SBF2: variants seen among roughly 807,000 people sequenced by gnomAD.
SBF2 encodes the protein myotubularin-related protein 13.
In SBF2, 112 loss-of-function variants were observed where a neutral mutation model predicts 225.2. The ratio of observed to expected loss-of-function variants is 0.50; its 90% CI spans 0.43 to 0.58. The LOEUF is 0.58. Among genes scored for constraint, SBF2 ranks in the 20% least tolerant of loss-of-function variants. The pLI, the probability that SBF2 is intolerant of heterozygous loss-of-function variation, is 0.00. For missense variants in SBF2, 1,996 were observed against 2,206.2 expected (o/e 0.90, Z 1.91); for synonymous variants, 763 against 773.3 (o/e 0.99, Z 0.22).
chr11:9,824,355 G>C (rs1416336791), intron 28 of SBF2, among the ~76,000 whole-genome samples: 2 of 152,044 alleles, frequency 1.3e-5, no homozygotes, highest in Non-Finnish European at 2.9e-5. Flanking sequence ...TCAGGAGATC[G>C]AGATCATCCT....
chr11:10,086,975 C>A (rs115136785), intron 2 of SBF2, among the ~76,000 whole-genome samples: 205 of 152,274 alleles, frequency 1.3e-3, no homozygotes, highest in African/African-American at 4.8e-3. Context: ...CTTAGTAACC[C>A]ATCTTTGATC....
At chr11:9,966,720 C>A (rs1012341329) in intron 14 of SBF2, among the ~76,000 whole-genome samples, 2 of 152,030 alleles carry the variant, frequency 1.3e-5, no homozygotes, top group Non-Finnish European at 2.9e-5. Flanking sequence ...AGGCAAATAG[C>A]CCAATTTCAA....
intron 28 of SBF2, among the ~76,000 whole-genome samples, chr11:9,822,917 GC>G (rs575534359): frequency 4.0e-4 from 61 of 152,268 alleles, no homozygotes; most frequent in African/African-American, 1.5e-3. Flanking sequence ...TATTTGCTAT[GC>G]AGCCTTGGCC....
In SBF2 at chr11:10,067,730, A is replaced by G. The variant is rs190753481; in HGVS notation, c.142-24749T>C. Among the ~76,000 whole-genome samples, 10 of 152,204 alleles carry G rather than the reference A, an allele frequency of 6.6e-5. 1 individual carries two copies. The East Asian group carries it at 1.9e-3, about 29-fold the overall frequency. ...GGCAACATAGGGAGACCCTGTCTCT[A>G]TAAAAAATAACGACAACCAAAAAAC... On this transcript the variant is annotated intron_variant, in intron 2 of 39. Coordinates refer to ENST00000256190, the MANE Select transcript of SBF2 (RefSeq NM_030962.4).
chr11:9,886,713 TATA>T, intron 17 of SBF2, among the ~76,000 whole-genome samples: 1 of 150,124 alleles, frequency 6.7e-6, no homozygotes, highest in East Asian at 1.9e-4. Context: ...TTTTTTTGCC[TATA>T]ATATTTATGT....
rs182640337 is a variant in SBF2 at position 9,896,658 on chromosome 11, G to A, written c.1861-647C>T. ...AATACAAAAAGCCAGGCATGGTGGCGGGCGCCTGTAATCCCAGCTACTTGG... is the reference window on the plus strand; with the variant it reads ...AATACAAAAAGCCAGGCATGGTGGCAGGCGCCTGTAATCCCAGCTACTTGG... On this transcript the variant is annotated intron_variant, in intron 16 of 39. Transcript: ENST00000256190. Among the ~76,000 whole-genome samples the A allele has an allele frequency of 3.9e-5, 6 of 151,970 alleles. No homozygotes were observed. In the East Asian group the frequency reaches 7.7e-4, roughly 20 times the overall value.
intron 33 of SBF2, among the ~76,000 whole-genome samples, chr11:9,793,695 C>T (rs1852908993): frequency 6.6e-6 from 1 of 152,132 alleles, no homozygotes; most frequent in Admixed American, 6.6e-5. Context: ...CTGGCCTTAC[C>T]TGGGGAGTTT....
chr11:9,924,161 T>TA (rs1166369619), intron 16 of SBF2, among the ~76,000 whole-genome samples: 1 of 152,224 alleles, frequency 6.6e-6, no homozygotes, highest in African/African-American at 2.4e-5. Context: ...TGGTTTGACT[T>TA]ACAATTTTTT....
intron 16 of SBF2, among the ~76,000 whole-genome samples, chr11:9,918,039 T>A (rs1863254525): frequency 6.6e-6 from 1 of 150,818 alleles, no homozygotes; most frequent in Non-Finnish European, 1.5e-5. Flanking sequence ...GTGACCTTCT[T>A]TCTATCTATC....
chr11:9,926,785 T>C (rs1420727043), intron 16 of SBF2, among the ~76,000 whole-genome samples: 2 of 152,178 alleles, frequency 1.3e-5, no homozygotes, highest in Non-Finnish European at 2.9e-5. Context: ...TAAATACCTG[T>C]GTTAGAAAAG....
intron 6 of SBF2, among the ~76,000 whole-genome samples, chr11:10,014,335 T>C (rs1948563910): frequency 1.3e-5 from 2 of 152,124 alleles, no homozygotes; most frequent in Admixed American, 1.3e-4. Context: ...ATGCCATTAC[T>C]TTTAATTCCA....
chr11:10,079,976 G>T (rs149334408), intron 2 of SBF2, among the ~76,000 whole-genome samples: 20 of 139,640 alleles, frequency 1.4e-4, no homozygotes, highest in Middle Eastern at 3.5e-3. Flanking sequence ...GGACAGGCAC[G>T]ATGGCTCATG....
At chr11:10,123,521 T>C (rs920513863) in intron 2 of SBF2, among the ~76,000 whole-genome samples, 2 of 152,136 alleles carry the variant, frequency 1.3e-5, no homozygotes, top group Non-Finnish European at 2.9e-5. Flanking sequence ...TTAAAATTCT[T>C]TTTAAAAATA....
chr11:10,291,049 G>A (rs1964128886), intron 1 of SBF2, among the ~76,000 whole-genome samples: 1 of 152,190 alleles, frequency 6.6e-6, no homozygotes, highest in South Asian at 2.1e-4. Flanking sequence ...AAAGAGTGAT[G>A]GGGATGTACC....
intron 2 of SBF2, among the ~76,000 whole-genome samples, chr11:10,161,315 C>G (rs1955726071): frequency 6.7e-6 from 1 of 149,568 alleles, no homozygotes; most frequent in East Asian, 2.2e-4. Flanking sequence ...TAACTCTACT[C>G]CTAATAGGGT....
intron 8 of SBF2, among the ~76,000 whole-genome samples, chr11:9,999,029 G>C (rs1338045626): frequency 6.6e-6 from 1 of 152,032 alleles, no homozygotes; most frequent in African/African-American, 2.4e-5. Context: ...CATCAAAAGG[G>C]TGCTGTTTAG....
chr11:9,975,014 C>T (rs1253774970), intron 13 of SBF2, among the ~76,000 whole-genome samples: 1 of 133,526 alleles, frequency 7.5e-6, no homozygotes, highest in African/African-American at 2.8e-5. Context: ...ACTGACAATA[C>T]CAAGTGTTAG....
chr11:10,001,449 A>T (rs770105688), intron 7 of SBF2, among the ~76,000 whole-genome samples: 2 of 146,226 alleles, frequency 1.4e-5, no homozygotes, highest in East Asian at 4.0e-4. Flanking sequence ...TTTGCATTCA[A>T]TAAGAATGGC....
intron 2 of SBF2, among the ~76,000 whole-genome samples, chr11:10,150,181 T>G (rs891480386): frequency 3.3e-5 from 5 of 152,176 alleles, no homozygotes; most frequent in Non-Finnish European, 7.4e-5. Context: ...AAGCAGACCC[T>G]TCTCAGCCCA....
Sources: gnomAD v4.1 joint callset for allele counts (sites outside exome capture counted in the v4.1 genomes callset) on GRCh38, gnomAD v4.1.1 for gene constraint, MANE v1.5 for transcripts, NCBI Gene and HGNC (gene_info 2026-07-23, HGNC 2026-07-21) for gene names.